Variants in ARHGEF37 observed in about 807,000 individuals in gnomAD.
The protein encoded by ARHGEF37 is Rho guanine nucleotide exchange factor (GEF) 37.
Under a neutral mutation model 71.1 loss-of-function variants are expected in ARHGEF37, and 55 were observed. The observed-to-expected ratio is 0.77, with a 90% CI of 0.62 to 0.97. The LOEUF (loss-of-function observed/expected upper bound fraction) is 0.97. ARHGEF37 is among the 50% of genes least tolerant of loss of function. The pLI is 0.00. For missense variants in ARHGEF37, 765 were observed against 836.8 expected (o/e 0.91, Z 1.06); for synonymous variants, 327 against 350.6 (o/e 0.93, Z 0.75).
At chr5:149,598,010 A>G in intron 2 of ARHGEF37, 55 bp downstream of exon 2, 2 of 1,491,938 alleles carry the variant, frequency 1.3e-6, no homozygotes, top group Non-Finnish European at 1.8e-6. Flanking sequence ...TGTGGGTCCC[A>G]GCTTCTGAGA....
At chr5:149,601,334 C>A in intron 3 of ARHGEF37, 103 bp downstream of exon 3, 1 of 1,383,870 alleles carries the variant, frequency 7.2e-7, no homozygotes, top group Non-Finnish European at 9.7e-7. Flanking sequence ...AGAAATGCAG[C>A]TCAACGGCAG....
chr5:149,577,184 G>A (rs1763037296), upstream of ARHGEF37, among the ~76,000 whole-genome samples: 1 of 152,132 alleles, frequency 6.6e-6, no homozygotes, highest in Admixed American at 6.5e-5. Flanking sequence ...TTCATCATCT[G>A]TAAGATGCAA....
In ARHGEF37 at chr5:149,621,801, G is replaced by T; in HGVS notation, c.1074G>T (p.Gln358His). ...TGGCCAAAGCCCTGCTTGGCCCTCA[G>T]AACCTGATCAAGAAGCGTCTGGACA... ...CSLAKALLGP[Q>H]NLIKKRLDKL... Residue 358 changes from glutamine (Q) to histidine (H), a missense_variant, in exon 9 of 13, where the codon CAG (glutamine) becomes CAT (histidine). Gln to His is a conservative substitution (Grantham distance 24). Coordinates refer to ENST00000333677, the MANE Select transcript of ARHGEF37 (RefSeq NM_001001669.3). 1 of 1,614,260 alleles carries T rather than the reference G, an allele frequency of 6.2e-7. No individual in the cohort carries two copies. The highest frequency in any genetic ancestry group is 8.5e-7 in the Non-Finnish European group (1 of 1,180,054).
At chr5:149,585,507 G>A (rs1763209556) in intron 1 of ARHGEF37, among the ~76,000 whole-genome samples, 2 of 151,998 alleles carry the variant, frequency 1.3e-5, no homozygotes, top group African/African-American at 4.8e-5. Flanking sequence ...ACTACATAGT[G>A]CATACTGTAT....
At chr5:149,618,148 G>A (rs544727043) in intron 5 of ARHGEF37, 28 bp from the exon 6 acceptor site, 18 of 1,613,276 alleles carry the variant, frequency 1.1e-5, no homozygotes, top group African/African-American at 1.1e-4. Context: ...CTTGATCACC[G>A]TGCTTCCCCT....
intron 1 of ARHGEF37, among the ~76,000 whole-genome samples, chr5:149,582,902 T>C (rs1486346782): frequency 6.6e-6 from 1 of 152,092 alleles, no homozygotes. Context: ...TAAAATACAA[T>C]TTAAAAAATT....
intron 1 of ARHGEF37, among the ~76,000 whole-genome samples, chr5:149,563,383 A>G (rs1391762287): frequency 6.6e-6 from 1 of 152,184 alleles, no homozygotes; most frequent in Non-Finnish European, 1.5e-5. Flanking sequence ...TGATAGACTT[A>G]AGACTCTTTC....
rs34107862 is a variant in ARHGEF37, at chr5:149,556,366, GTATTTATTTATT to G, written c.-12+4269_-12+4280del. On this transcript the variant is annotated intron_variant, in intron 1 of 2. Transcript: ENST00000505810. Reference sequence around the variant, plus strand: ...ATGCCACCATGCCCAGCTAGTTTTTGTATTTATTTATTTATTTATTTATTTATTTATTTATTT... The same window carrying G: ...ATGCCACCATGCCCAGCTAGTTTTTGTATTTATTTATTTATTTATTTATTT... Among the ~76,000 whole-genome samples the G allele has an allele frequency of 2.6e-3, 369 of 142,754 alleles. 1 individual carries two copies. Among genetic ancestry groups the G allele is most frequent in the South Asian group, 7.5e-3 (33 of 4,402 alleles). 93.7% of individuals were successfully genotyped at this position (142,754 alleles called of 152,430 possible).
intron 10 of ARHGEF37, among the ~76,000 whole-genome samples, chr5:149,626,369 T>C (rs1252366079): frequency 6.6e-6 from 1 of 152,162 alleles, no homozygotes; most frequent in Non-Finnish European, 1.5e-5. Flanking sequence ...CAAGCATCCC[T>C]GAGTCTCTCC....
rs756607874 is a variant in ARHGEF37 at position 149,609,533 on chromosome 5, C to A, written c.311-15C>A. 5 of 1,609,738 alleles carry A rather than the reference C, an allele frequency of 3.1e-6. No individual in the cohort carries two copies. Among genetic ancestry groups the A allele is most frequent in the Non-Finnish European group, 4.2e-6 (5 of 1,176,708 alleles). On this transcript the variant is annotated splice_polypyrimidine_tract_variant and intron_variant, in intron 3 of 12. Transcript: ENST00000333677. Reference sequence around the variant, plus strand: ...ACATGCCCTTGACGACCCCTTGTTGCGTCTTCACTCTCAGGTAACATATTT... The same window carrying A: ...ACATGCCCTTGACGACCCCTTGTTGAGTCTTCACTCTCAGGTAACATATTT...
intron 1 of ARHGEF37, among the ~76,000 whole-genome samples, chr5:149,565,555 C>A (rs1000336463): frequency 2.0e-5 from 3 of 152,144 alleles, no homozygotes; most frequent in Non-Finnish European, 2.9e-5. Context: ...ATATACCTAG[C>A]CTTTTAGGTG....
At chr5:149,629,012 G>A (rs762851700) in intron 12 of ARHGEF37, 46 bp downstream of exon 12, 25 of 1,575,592 alleles carry the variant, frequency 1.6e-5, no homozygotes, top group East Asian at 6.9e-5. Flanking sequence ...TCGGCCATCC[G>A]GACTGTGGCT....
At chr5:149,623,889 A>G in intron 9 of ARHGEF37, 123 bp from the exon 10 acceptor site, 1 of 1,306,152 alleles carries the variant, frequency 7.7e-7, no homozygotes, top group Non-Finnish European at 1.0e-6. Context: ...CACAGGGTCA[A>G]GGTCTCAGGA....
intron 1 of ARHGEF37, among the ~76,000 whole-genome samples, chr5:149,587,689 C>G (rs7721756): frequency 5.8e-4 from 89 of 152,144 alleles, no homozygotes; most frequent in African/African-American, 2.1e-3. Context: ...TTAAAATATG[C>G]TTGGTAGTGA....
chr5:149,628,720 T>G, intron 11 of ARHGEF37, 89 bp from the exon 12 acceptor site: 2 of 1,465,512 alleles, frequency 1.4e-6, no homozygotes, highest in Non-Finnish European at 1.8e-6. Flanking sequence ...GAAGCTGTGT[T>G]GGAAACATTT....
intron 1 of ARHGEF37, among the ~76,000 whole-genome samples, chr5:149,558,699 G>A (rs879660292): frequency 0.11 from 4,045 of 37,840 alleles, 106 homozygotes; most frequent in East Asian, 0.41. Context: ...ATATGTGTGT[G>A]TGTGTGTGTG....
chr5:149,601,897 G>A (rs1056470007), intron 3 of ARHGEF37, among the ~76,000 whole-genome samples: 30 of 152,080 alleles, frequency 2.0e-4, no homozygotes, highest in Admixed American at 1.9e-3. Context: ...AGTGAGGGGA[G>A]ACTGTTGGGG....
intron 1 of ARHGEF37, among the ~76,000 whole-genome samples, chr5:149,593,904 C>A (rs1580900143): frequency 6.6e-6 from 1 of 152,252 alleles, no homozygotes; most frequent in East Asian, 1.9e-4. Context: ...CAGTCAAACC[C>A]ATGCTGTTCA....
intron 1 of ARHGEF37, among the ~76,000 whole-genome samples, chr5:149,571,439 G>T (rs1163707482): frequency 6.6e-6 from 1 of 152,120 alleles, no homozygotes; most frequent in Admixed American, 6.5e-5. Flanking sequence ...AGTTGAGTAT[G>T]ACCTCTACAC....
Sources: gnomAD v4.1 joint callset for allele counts (sites outside exome capture counted in the v4.1 genomes callset) on GRCh38, gnomAD v4.1.1 for gene constraint, MANE v1.5 for transcripts, NCBI Gene and HGNC (gene_info 2026-07-23, HGNC 2026-07-21) for gene names.